The following DOCK3 variants were observed in gnomAD, a reference collection of about 807,000 sequenced individuals.
DOCK3 encodes the protein dedicator of cytokinesis 3, also known as dedicator of cytokinesis protein 3.
Under a neutral mutation model 265.6 loss-of-function variants are expected in DOCK3, and 60 were observed. That is an observed-to-expected ratio of 0.23 (90% CI 0.18 to 0.28). The LOEUF is 0.28. Ranked by LOEUF, DOCK3 falls within the 10% of genes least tolerant of loss-of-function variation. DOCK3 has a pLI of 1.00. For missense variants in DOCK3, 1,981 were observed against 2,594.3 expected (o/e 0.76, Z 5.14); for synonymous variants, 881 against 938.0 (o/e 0.94, Z 1.11).
At chr3:50,806,230 G>C (rs931637856) in intron 2 of DOCK3, among the ~76,000 whole-genome samples, 5 of 152,048 alleles carry the variant, frequency 3.3e-5, no homozygotes, top group Non-Finnish European at 5.9e-5. Flanking sequence ...TCTCAGGTCT[G>C]GGATGCAGGT....
chr3:51,286,324 CAA>C, intron 27 of DOCK3, among the ~76,000 whole-genome samples: 1 of 152,108 alleles, frequency 6.6e-6, no homozygotes, highest in Non-Finnish European at 1.5e-5. Flanking sequence ...ATTACACAAA[CAA>C]ATGGAAAAAC....
chr3:51,250,221 A>G (rs1374578679), intron 22 of DOCK3, among the ~76,000 whole-genome samples: 5 of 150,496 alleles, frequency 3.3e-5, no homozygotes, highest in Non-Finnish European at 7.4e-5. Flanking sequence ...CTATTGTCCT[A>G]TGACCCTGCC....
chr3:50,958,891 G>A (rs1040591215), intron 5 of DOCK3, among the ~76,000 whole-genome samples: 2 of 152,042 alleles, frequency 1.3e-5, no homozygotes, highest in African/African-American at 4.8e-5. Context: ...TTAGGCATTG[G>A]GAAGCATTTT....
chr3:50,833,081 CA>C (rs1447840231), intron 2 of DOCK3, among the ~76,000 whole-genome samples: 3 of 152,034 alleles, frequency 2.0e-5, no homozygotes, highest in African/African-American at 7.2e-5. Context: ...TTGTTGGAAC[CA>C]AGCTGATATG....
intron 1 of DOCK3, among the ~76,000 whole-genome samples, chr3:50,690,299 A>AT (rs1455553550): frequency 6.6e-6 from 1 of 151,882 alleles, no homozygotes; most frequent in East Asian, 1.9e-4. Flanking sequence ...TGCCTGGCTG[A>AT]TTTTTTAAAT....
intron 9 of DOCK3, among the ~76,000 whole-genome samples, chr3:51,142,436 TCTGTTCCTATA>T (rs1489131886): frequency 6.6e-6 from 1 of 152,230 alleles, no homozygotes; most frequent in African/African-American, 2.4e-5. Flanking sequence ...TGATTTGATT[TCTGTTCCTATA>T]GTTTTGTCTT....
At chr3:51,133,313 C>A in intron 9 of DOCK3, among the ~76,000 whole-genome samples, 1 of 111,142 alleles carries the variant, frequency 9.0e-6, no homozygotes, top group Non-Finnish European at 1.8e-5. Context: ...TCCCTCCCCC[C>A]TCCCCCCACC....
chr3:50,906,732 G>T (rs1214901971), intron 4 of DOCK3, among the ~76,000 whole-genome samples: 2 of 151,904 alleles, frequency 1.3e-5, no homozygotes, highest in East Asian at 1.9e-4. Flanking sequence ...TTTTTTGAAG[G>T]GTTTTTTTGT....
rs989679226 is a variant in DOCK3 at position 51,075,486 on chromosome 3, T to C, written c.549+46T>C. 2.1e-6 allele frequency: 3 copies of C among 1,456,300 alleles called. No homozygotes were observed. The African/African-American group carries it at 4.3e-5, about 21-fold the overall frequency. 90.2% of individuals were successfully genotyped at this position (1,456,300 alleles called of 1,614,324 possible). A position where few individuals can be genotyped will look rare whatever the true frequency, so the allele number is the denominator to read the frequency against. ...TAGCTTGTTCCTGCATACCTCATTT[T>C]TTCTCTTTTGTTTATTTTCTCTAAT... On this transcript the variant is annotated intron_variant, in intron 7 of 52. Coordinates refer to ENST00000266037, the MANE Select transcript of DOCK3 (RefSeq NM_004947.5).
chr3:50,767,883 T>A (rs1037660588), intron 1 of DOCK3, among the ~76,000 whole-genome samples: 1 of 141,980 alleles, frequency 7.0e-6, no homozygotes, highest in Non-Finnish European at 1.5e-5. Context: ...TTGAAGCAGT[T>A]GTGAATGGGA....
intron 9 of DOCK3, among the ~76,000 whole-genome samples, chr3:51,111,222 G>A (rs2083501873): frequency 6.6e-6 from 1 of 152,154 alleles, no homozygotes; most frequent in Non-Finnish European, 1.5e-5. Context: ...TCATGGATAG[G>A]AAGAATCAGT....
chr3:51,345,420 A>G (rs2085497997), intron 38 of DOCK3, among the ~76,000 whole-genome samples: 1 of 152,196 alleles, frequency 6.6e-6, no homozygotes. Flanking sequence ...AGACCAGCCG[A>G]GGTAACATAG....
intron 4 of DOCK3, among the ~76,000 whole-genome samples, chr3:50,906,622 T>C (rs2049518101): frequency 6.6e-6 from 1 of 152,100 alleles, no homozygotes; most frequent in East Asian, 1.9e-4. Flanking sequence ...CCCCTTATCA[T>C]TTTTTATTGC....
At chr3:51,221,565 GT>G in intron 14 of DOCK3, among the ~76,000 whole-genome samples, 1 of 152,324 alleles carries the variant, frequency 6.6e-6, no homozygotes, top group Non-Finnish European at 1.5e-5. Flanking sequence ...TAAGTGCCCA[GT>G]TTTCTGAGTG....
Position 50,881,979 on chromosome 3 carries a change from G to A in DOCK3, c.163-8047G>A, listed in dbSNP as rs112809862. 5.9e-5 allele frequency among the ~76,000 whole-genome samples: 9 copies of A among 152,208 alleles called. 2 individuals are homozygous for A. The highest frequency in any genetic ancestry group is 2.2e-4 in the African/African-American group (9 of 41,532). ...TAATACCACACGTCTACAACCATCT[G>A]CTCTTTGACAAACCTGACAAAGACA... is the stretch of plus-strand genomic sequence containing the variant. On this transcript the variant is annotated intron_variant, in intron 3 of 52. Coordinates refer to ENST00000266037, the MANE Select transcript of DOCK3 (RefSeq NM_004947.5).
Position 51,315,122 on chromosome 3 carries a change from C to G in DOCK3, c.3396C>G (p.Phe1132Leu), listed in dbSNP as rs371661077. Residue 1132 changes from phenylalanine (F) to leucine (L), a missense_variant, in exon 32 of 53, where the codon TTC becomes TTG. Phe to Leu is a conservative substitution (Grantham distance 22). Coordinates refer to ENST00000266037, the MANE Select transcript of DOCK3 (RefSeq NM_004947.5). ...MDWEQRKNGN[F>L]KQVEAELIDK... Reference sequence around the variant, plus strand: ...GGGAGCAGAGAAAAAATGGCAACTTCAAACAGGTAAGACACCTGGCAGTGT... The same window carrying G: ...GGGAGCAGAGAAAAAATGGCAACTTGAAACAGGTAAGACACCTGGCAGTGT... 1 of 1,608,484 alleles carries G rather than the reference C, an allele frequency of 6.2e-7. No homozygotes were observed. The highest frequency in any genetic ancestry group is 8.5e-7 in the Non-Finnish European group (1 of 1,176,542).
intron 5 of DOCK3, among the ~76,000 whole-genome samples, chr3:51,016,733 C>T (rs191192662): frequency 0.79 from 7,653 of 9,694 alleles, 3,673 homozygotes; most frequent in East Asian, 0.9. Context: ...ATATATGATA[C>T]ATATTATATA....
chr3:50,753,649 C>A (rs2039977254), intron 1 of DOCK3, among the ~76,000 whole-genome samples: 1 of 152,148 alleles, frequency 6.6e-6, no homozygotes, highest in African/African-American at 2.4e-5. Context: ...AGGCGTGAGG[C>A]ACCGTGTCTC....
intron 32 of DOCK3, among the ~76,000 whole-genome samples, chr3:51,322,079 G>A (rs1194305226): frequency 1.3e-5 from 2 of 152,240 alleles, no homozygotes; most frequent in Admixed American, 1.3e-4. Context: ...CAGCCAGAGA[G>A]AAAGGTCAGG....
Sources: allele counts gnomAD v4.1 joint callset (sites outside exome capture counted in the v4.1 genomes callset), GRCh38; gene constraint gnomAD v4.1.1; transcripts MANE v1.5; gene names NCBI Gene and HGNC (gene_info 2026-07-23, HGNC 2026-07-21).